Variants in SGCZ observed in about 807,000 individuals in gnomAD.
SGCZ encodes the protein sarcoglycan zeta, also known as zeta-sarcoglycan.
A neutral mutation model predicts 41.3 loss-of-function variants in SGCZ; 40 were observed. The observed-to-expected ratio is 0.97, with a 90% CI of 0.75 to 1.26. SGCZ has a LOEUF of 1.26. Among genes scored for constraint, SGCZ ranks in the 50% most tolerant of loss-of-function variants. The probability of loss-of-function intolerance (pLI) is 0.00; values close to 1 mark genes in which losing one functional copy is unlikely to be tolerated. For missense variants in SGCZ, 552 were observed against 369.8 expected (o/e 1.49, Z -4.04); for synonymous variants, 206 against 137.5 (o/e 1.50, Z -3.49).
intron 1 of SGCZ, among the ~76,000 whole-genome samples, chr8:15,016,055 C>G (rs1422518517): frequency 6.6e-6 from 1 of 152,184 alleles, no homozygotes; most frequent in East Asian, 1.9e-4. Context: ...ATTTAACTCC[C>G]CTCCATTATA....
intron 2 of SGCZ, among the ~76,000 whole-genome samples, chr8:14,550,572 T>A (rs1018341230): frequency 6.6e-6 from 1 of 151,904 alleles, no homozygotes; most frequent in Non-Finnish European, 1.5e-5. Context: ...AAATGCAGGA[T>A]CCGCTGGGAA....
intron 1 of SGCZ, among the ~76,000 whole-genome samples, chr8:14,855,981 T>C (rs904056616): frequency 8.5e-5 from 13 of 152,326 alleles, no homozygotes; most frequent in African/African-American, 2.9e-4. Context: ...AATGCTACAA[T>C]ATAGTTACCG....
At chr8:14,421,867 T>C (rs1480386263) in intron 2 of SGCZ, among the ~76,000 whole-genome samples, 1 of 152,142 alleles carries the variant, frequency 6.6e-6, no homozygotes, top group African/African-American at 2.4e-5. Context: ...AAAAATACTT[T>C]GAATCCAGAA....
chr8:14,422,408 C>T (rs1443148688), intron 2 of SGCZ, among the ~76,000 whole-genome samples: 1 of 152,146 alleles, frequency 6.6e-6, no homozygotes, highest in African/African-American at 2.4e-5. Flanking sequence ...AGTTCTGTGA[C>T]TTGCCTTCAT....
At chr8:14,940,504 T>C (rs998200299) in intron 1 of SGCZ, among the ~76,000 whole-genome samples, 1 of 152,114 alleles carries the variant, frequency 6.6e-6, no homozygotes, top group African/African-American at 2.4e-5. Context: ...AAGTAAAATA[T>C]ATGTGTGTGT....
chr8:14,089,190 G>A lies in SGCZ; in HGVS notation c.*1253C>T, dbSNP rs1284443977. ...AAATGAAAAGAACTATAATTTTTGA[G>A]GTCAGGGTAGCCTAACAACGATCTA... On this transcript the variant is annotated 3_prime_UTR_variant, in exon 8 of 8. Coordinates refer to ENST00000382080, the MANE Select transcript of SGCZ (RefSeq NM_139167.4). 6.6e-6 allele frequency among the ~76,000 whole-genome samples: 1 copy of A among 151,866 alleles called. No homozygotes were observed. Among genetic ancestry groups the A allele is most frequent in the Non-Finnish European group, 1.5e-5 (1 of 67,914 alleles).
At chr8:14,516,404 A>G (rs145957078) in intron 2 of SGCZ, among the ~76,000 whole-genome samples, 1 of 152,152 alleles carries the variant, frequency 6.6e-6, no homozygotes, top group East Asian at 1.9e-4. Flanking sequence ...TATGGCATAA[A>G]AAAGGGTGAA....
At chr8:15,080,757 AT>A (rs993158791) in intron 1 of SGCZ, among the ~76,000 whole-genome samples, 5 of 151,614 alleles carry the variant, frequency 3.3e-5, no homozygotes, top group African/African-American at 1.2e-4. Context: ...TGCTCAGCTA[AT>A]TTTTTTTGTA....
intron 5 of SGCZ, among the ~76,000 whole-genome samples, chr8:14,121,454 T>C (rs1221907061): frequency 1.3e-5 from 2 of 152,130 alleles, no homozygotes; most frequent in Non-Finnish European, 2.9e-5. Context: ...TTTTTTAAAG[T>C]ACCCGTTTAA....
intron 1 of SGCZ, among the ~76,000 whole-genome samples, chr8:14,698,814 G>C (rs1205991682): frequency 6.6e-6 from 1 of 151,908 alleles, no homozygotes; most frequent in Non-Finnish European, 1.5e-5. Flanking sequence ...ATCAGGGACA[G>C]ATTGAATTAC....
rs117911377 is a variant in SGCZ, at chr8:15,205,869, C to A, written c.39+31716G>T. Reference sequence around the variant, plus strand: ...AAACACATGGAATCAACCTAAATGCCCATAAATGACAGATGAGATGGAATA... The same window carrying A: ...AAACACATGGAATCAACCTAAATGCACATAAATGACAGATGAGATGGAATA... On this transcript the variant is annotated intron_variant, in intron 1 of 7. Transcript: ENST00000382080. Among the ~76,000 whole-genome samples, 711 of 152,076 alleles carry A rather than the reference C, an allele frequency of 4.7e-3. 3 individuals carry two copies. Among genetic ancestry groups the A allele is most frequent in the Middle Eastern group, 0.01 (3 of 292 alleles).
rs187283792 is a variant in SGCZ, at chr8:15,097,979, G to A, written c.39+139606C>T. Among the ~76,000 whole-genome samples, 187 of 149,846 alleles carry A rather than the reference G, an allele frequency of 1.2e-3. 1 individual carries two copies. The highest frequency in any genetic ancestry group is 5.3e-4 in the Non-Finnish European group (36 of 67,618). On this transcript the variant is annotated intron_variant, in intron 1 of 7. Transcript: ENST00000382080. The stretch of plus-strand genomic sequence containing the variant: ...AAAACAGGAACTGGGTATTGCTCTA[G>A]CAAAAGTGACAGGTAAAATCTTCTC...
At chr8:14,146,207 T>G (rs1824732) in intron 5 of SGCZ, among the ~76,000 whole-genome samples, 150,065 of 152,300 alleles carry the variant, frequency 0.99, 73,963 homozygotes, top group East Asian at 1. Context: ...CCAGAGAAAA[T>G]AAACAAAAAG....
At chr8:14,483,908 C>T (rs1801603187) in intron 2 of SGCZ, among the ~76,000 whole-genome samples, 1 of 151,962 alleles carries the variant, frequency 6.6e-6, no homozygotes, top group African/African-American at 2.4e-5. Context: ...TATGTATCAC[C>T]CTAACATGTA....
intron 1 of SGCZ, among the ~76,000 whole-genome samples, chr8:15,030,559 G>A (rs1468608343): frequency 2.0e-5 from 3 of 152,058 alleles, no homozygotes; most frequent in African/African-American, 7.2e-5. Flanking sequence ...AGCTGTAAAT[G>A]CAGAAAAAAA....
intron 1 of SGCZ, among the ~76,000 whole-genome samples, chr8:14,839,288 A>G (rs1053115137): frequency 1.2e-4 from 18 of 152,152 alleles, no homozygotes; most frequent in South Asian, 2.1e-4. Flanking sequence ...TGTTTACGCA[A>G]TGAGTAGCCA....
At chr8:14,100,242 G>A (rs1450596992) in intron 7 of SGCZ, among the ~76,000 whole-genome samples, 3 of 151,394 alleles carry the variant, frequency 2.0e-5, no homozygotes, top group Non-Finnish European at 2.9e-5. Flanking sequence ...ATACTCATTT[G>A]ACAATGAAGT....
At chr8:14,742,020 T>G (rs1799210812) in intron 1 of SGCZ, among the ~76,000 whole-genome samples, 1 of 152,204 alleles carries the variant, frequency 6.6e-6, no homozygotes, top group African/African-American at 2.4e-5. Flanking sequence ...GCATAATTAT[T>G]TATTGATTTG....
chr8:14,293,827 G>C (rs1800924158), intron 3 of SGCZ, among the ~76,000 whole-genome samples: 1 of 151,772 alleles, frequency 6.6e-6, no homozygotes, highest in African/African-American at 2.4e-5. Context: ...ATCATTATCA[G>C]TTGTCTTTAG....
Sources: allele counts gnomAD v4.1 joint callset (sites outside exome capture counted in the v4.1 genomes callset), GRCh38; gene constraint gnomAD v4.1.1; transcripts MANE v1.5; gene names NCBI Gene and HGNC (gene_info 2026-07-23, HGNC 2026-07-21).